The following CSMD2 variants were observed in gnomAD, a reference collection of about 807,000 sequenced individuals.
CSMD2 encodes the protein CUB and sushi domain-containing protein 2.
CSMD2 carries 130 observed loss-of-function variants against 398.5 expected under a neutral mutation model. The ratio of observed to expected loss-of-function variants is 0.33; its 90% CI spans 0.28 to 0.38. The LOEUF is 0.38. Among genes scored for constraint, CSMD2 ranks in the 10% least tolerant of loss-of-function variants. The pLI is 1.00. For synonymous variants in CSMD2, 1,828 were observed against 1,908.5 expected, an observed-to-expected ratio of 0.96 and a Z score of 1.10; for missense variants, 3,829 against 4,764.9, an observed-to-expected ratio of 0.80 and a Z score of 5.78.
Position 33,633,573 on chromosome 1 carries a change from G to A in CSMD2, c.5087-38C>T, listed in dbSNP as rs1308937693. 1 of 1,468,464 alleles carries A rather than the reference G, an allele frequency of 6.8e-7. No individual in the cohort carries two copies. Among genetic ancestry groups the A allele is most frequent in the Middle Eastern group, 1.8e-4 (1 of 5,640 alleles). The allele number at this position is 1,468,464 out of a possible 1,614,324, so 91.0% of individuals were successfully genotyped here. ...CACAGTGTGGGGACTGGGCAGGCAC[G>A]CTGGGGGCAGGAGAGGGGATCTAGG... On this transcript the variant is annotated intron_variant, in intron 31 of 70. Coordinates refer to ENST00000373381, the MANE Select transcript of CSMD2 (RefSeq NM_001281956.2). The surrounding 1 kb of genome is among the most constrained non-coding windows in gnomAD (Gnocchi z 5.0).
At chr1:34,013,566 G>A (rs751213706) in intron 3 of CSMD2, among the ~76,000 whole-genome samples, 4 of 152,118 alleles carry the variant, frequency 2.6e-5, no homozygotes, top group African/African-American at 2.4e-5. Flanking sequence ...TGCCAGGGGC[G>A]GTACTGTTCT....
At chr1:33,655,091 G>C (rs1192711023) in intron 27 of CSMD2, among the ~76,000 whole-genome samples, 1 of 152,240 alleles carries the variant, frequency 6.6e-6, no homozygotes, top group African/African-American at 2.4e-5. Context: ...TTAGTCGAGG[G>C]GTCCTTTTGA....
Position 33,569,461 on chromosome 1 carries a change from A to G in CSMD2, c.8044T>C (p.Cys2682Arg). ...CCCACCAGTGTGTATCCGGAATTGC[A>G]GGAGAAGATGGCTGTTGCCCCGTAG... ...SVYGATAIFS[C>R]NSGYTLVGSR... Residue 2682 changes from cysteine to arginine, a missense_variant, in exon 52 of 71, where the codon TGC (cysteine) becomes CGC (arginine). Cys to Arg is a radical substitution (Grantham distance 180). Transcript: ENST00000373381. 1 of 1,614,160 alleles carries G rather than the reference A, an allele frequency of 6.2e-7. No individual in the cohort carries two copies. The highest frequency in any genetic ancestry group is 8.5e-7 in the Non-Finnish European group (1 of 1,180,030).
chr1:33,624,969 A>C lies in CSMD2; in HGVS notation c.5500+82T>G, dbSNP rs2148883825. 1 of 1,388,976 alleles carries C rather than the reference A, an allele frequency of 7.2e-7. No homozygotes were observed. Among genetic ancestry groups the C allele is most frequent in the Non-Finnish European group, 1.0e-6 (1 of 983,408 alleles). The allele number at this position is 1,388,976 out of a possible 1,614,324, so 86.0% of individuals were successfully genotyped here. A position where few individuals can be genotyped will look rare whatever the true frequency, so the allele number is the denominator to read the frequency against. On this transcript the variant is annotated intron_variant, in intron 34 of 70. Transcript: ENST00000373381. This position sits in a 1 kb window ranked among gnomAD's most constrained non-coding sequence, Gnocchi z 4.7. ...CGGCTGCTGTGTGTCGTGGGGCATC[A>C]CTGGGGCTGACTGCCTCCCCTACAG...
At chr1:33,690,857 C>T (rs1192175792) in intron 25 of CSMD2, among the ~76,000 whole-genome samples, 1 of 152,120 alleles carries the variant, frequency 6.6e-6, no homozygotes, top group African/African-American at 2.4e-5. Context: ...ACCACAGCTC[C>T]AGGAGGGGAG....
intron 10 of CSMD2, among the ~76,000 whole-genome samples, chr1:33,796,052 A>G (rs1011830888): frequency 6.6e-6 from 1 of 152,242 alleles, no homozygotes; most frequent in Non-Finnish European, 1.5e-5. Context: ...AGCCATACAC[A>G]ATGTGTACAT....
intron 10 of CSMD2, among the ~76,000 whole-genome samples, chr1:33,794,248 T>A (rs1188832785): frequency 2.0e-5 from 3 of 152,204 alleles, no homozygotes; most frequent in Admixed American, 6.5e-5. Context: ...GCAGGGCCCC[T>A]CTGCAGTGGC....
chr1:33,658,473 T>G (rs1644022460), intron 26 of CSMD2, among the ~76,000 whole-genome samples: 1 of 152,260 alleles, frequency 6.6e-6, no homozygotes, highest in Non-Finnish European at 1.5e-5. Flanking sequence ...GAATTCAGCT[T>G]AAGAATACAA....
chr1:33,908,047 T>C (rs538260794), intron 5 of CSMD2, among the ~76,000 whole-genome samples: 8 of 138,440 alleles, frequency 5.8e-5, no homozygotes, highest in South Asian at 2.2e-4. Context: ...GATTGTGACA[T>C]TGCACTCCAG....
intron 5 of CSMD2, chr1:33,885,521 C>T (rs371607516): frequency 1.2e-4 from 19 of 152,186 alleles, no homozygotes; most frequent in African/African-American, 3.1e-4. Flanking sequence ...CAGAGAGAAA[C>T]GCAGGGGTCC....
At chr1:33,612,182 A>T (rs568394784) in intron 40 of CSMD2, among the ~76,000 whole-genome samples, 1 of 152,242 alleles carries the variant, frequency 6.6e-6, no homozygotes, top group Non-Finnish European at 1.5e-5. Flanking sequence ...TGGGAGACTA[A>T]GCCATTAGTG....
intron 44 of CSMD2, among the ~76,000 whole-genome samples, chr1:33,597,914 A>T (rs141602223): frequency 6.6e-6 from 1 of 152,380 alleles, no homozygotes; most frequent in African/African-American, 2.4e-5. Flanking sequence ...AAGTGCAGTC[A>T]CGTGCATCAA....
At chr1:33,739,025 G>C in intron 15 of CSMD2, 115 bp downstream of exon 15, 1 of 973,660 alleles carries the variant, frequency 1.0e-6, no homozygotes, top group Non-Finnish European at 1.5e-6. Flanking sequence ...CCTTCGTTCT[G>C]GGAGAAGAGG....
intron 3 of CSMD2, among the ~76,000 whole-genome samples, chr1:33,944,975 C>T (rs1194454968): frequency 6.6e-6 from 1 of 152,108 alleles, no homozygotes; most frequent in African/African-American, 2.4e-5. Flanking sequence ...GGATTCCCAA[C>T]CCACATCCAG....
At chr1:34,006,810 G>A (rs183346569) in intron 3 of CSMD2, among the ~76,000 whole-genome samples, 32 of 152,114 alleles carry the variant, frequency 2.1e-4, no homozygotes, top group South Asian at 8.3e-4. Flanking sequence ...GTGTGGAGTC[G>A]TAACTACCCC....
chr1:33,646,908 A>T, intron 28 of CSMD2, 73 bp from the exon 29 acceptor site: 1 of 1,465,032 alleles, frequency 6.8e-7, no homozygotes, highest in East Asian at 2.5e-5. Context: ...CTTAGGCTCA[A>T]CCAAAGCATA....
intron 1 of CSMD2, among the ~76,000 whole-genome samples, chr1:34,146,476 T>C (rs933303693): frequency 1.5e-4 from 23 of 152,296 alleles, no homozygotes; most frequent in African/African-American, 5.3e-4. Context: ...ACTCCCTTTG[T>C]CTGACTGAAG....
chr1:33,856,097 A>T (rs374026932), intron 5 of CSMD2, among the ~76,000 whole-genome samples: 106 of 152,290 alleles, frequency 7.0e-4, no homozygotes, highest in African/African-American at 2.4e-3. Flanking sequence ...CATGTGTATA[A>T]TGTGTCCAAG....
rs1557579473 is a variant in CSMD2 at position 33,586,534 on chromosome 1, G to A, written c.7021C>T (p.Gln2341Ter). Residue 2341 changes from glutamine to a stop codon, truncating the protein, a stop_gained, in exon 46 of 71, where the codon CAG becomes TAG. Transcript: ENST00000373381. LOFTEE classifies it high-confidence loss of function. ...ILTCKLGTYLQFEGPPPICEV... is the reference protein window; with the variant it reads ...ILTCKLGTYL ...CATATCGGGGGTGGTCCTTCAAACTGCAGGTAGGTTCCAAGTTTGCAGGTC... is the reference window on the plus strand; with the variant it reads ...CATATCGGGGGTGGTCCTTCAAACTACAGGTAGGTTCCAAGTTTGCAGGTC... 6.2e-7 allele frequency: 1 copy of A among 1,613,464 alleles called. No individual in the cohort carries two copies. The highest frequency in any genetic ancestry group is 8.5e-7 in the Non-Finnish European group (1 of 1,179,494).
Sources: allele counts gnomAD v4.1 joint callset (sites outside exome capture counted in the v4.1 genomes callset), GRCh38; gene constraint gnomAD v4.1.1; non-coding constraint Gnocchi (gnomAD v3.1); transcripts MANE v1.5; gene names NCBI Gene and HGNC (gene_info 2026-07-23, HGNC 2026-07-21).